NCAM2: variants seen among roughly 807,000 people sequenced by gnomAD.
The protein encoded by NCAM2 is neural cell adhesion molecule 2, also known as N-CAM-2.
NCAM2 carries 30 observed loss-of-function variants against 98.1 expected under a neutral mutation model. The ratio of observed to expected loss-of-function variants is 0.31; its 90% CI spans 0.23 to 0.41. The LOEUF is 0.41. Ranked by LOEUF, NCAM2 falls within the 10% of genes least tolerant of loss-of-function variation. The probability of loss-of-function intolerance (pLI) is 1.00; values close to 1 mark genes in which losing one functional copy is unlikely to be tolerated. For missense variants in NCAM2, 867 were observed against 1,005.8 expected (o/e 0.86, Z 1.87); for synonymous variants, 368 against 342.4 (o/e 1.07, Z -0.83).
chr21:21,209,161 G>A lies in NCAM2; in HGVS notation c.56-71417G>A, dbSNP rs541418872. ...GAACATCAAATGGTAATAGTCCCTAGGCCAGGGTCAGGAATTTATTGCCAT... is the reference window on the plus strand; with the variant it reads ...GAACATCAAATGGTAATAGTCCCTAAGCCAGGGTCAGGAATTTATTGCCAT... On this transcript the variant is annotated intron_variant, in intron 1 of 17. Coordinates refer to ENST00000400546, the MANE Select transcript of NCAM2 (RefSeq NM_004540.5). Among the ~76,000 whole-genome samples, 378 of 151,060 alleles carry A rather than the reference G, an allele frequency of 2.5e-3. 1 individual carries two copies. Among genetic ancestry groups the A allele is most frequent in the South Asian group, 0.016 (75 of 4,814 alleles).
chr21:21,185,997 C>T (rs1173467605), intron 1 of NCAM2, among the ~76,000 whole-genome samples: 1 of 152,116 alleles, frequency 6.6e-6, no homozygotes, highest in East Asian at 1.9e-4. Context: ...ATAAGAGATG[C>T]TTCTGGAGCA....
intron 1 of NCAM2, among the ~76,000 whole-genome samples, chr21:21,251,981 A>G (rs182565215): frequency 2.7e-3 from 414 of 152,234 alleles, no homozygotes; most frequent in Non-Finnish European, 4.2e-3. Flanking sequence ...GCCTATGCCT[A>G]TGTCCTGAAT....
chr21:21,338,632 C>A (rs2147876026), intron 8 of NCAM2, 98 bp downstream of exon 8: 3 of 1,192,056 alleles, frequency 2.5e-6, no homozygotes, highest in Non-Finnish European at 3.4e-6. Context: ...TACCTAGTAA[C>A]TTGTAGGATC....
At chr21:21,032,849 A>G (rs1202170198) in intron 1 of NCAM2, among the ~76,000 whole-genome samples, 1 of 152,140 alleles carries the variant, frequency 6.6e-6, no homozygotes, top group Non-Finnish European at 1.5e-5. Context: ...CATAAAATGT[A>G]TTTAAAACTT....
intron 5 of NCAM2, among the ~76,000 whole-genome samples, chr21:21,317,873 C>T (rs909286622): frequency 6.6e-6 from 1 of 152,052 alleles, no homozygotes; most frequent in Non-Finnish European, 1.5e-5. Context: ...TATTCTAGTC[C>T]ATTTTGTACC....
At chr21:21,111,870 C>A (rs2066461448) in intron 1 of NCAM2, among the ~76,000 whole-genome samples, 1 of 152,066 alleles carries the variant, frequency 6.6e-6, no homozygotes, top group South Asian at 2.1e-4. Context: ...TCTATCCTCT[C>A]ATTGGTCTGT....
intron 1 of NCAM2, among the ~76,000 whole-genome samples, chr21:21,091,710 T>A (rs372882258): frequency 6.6e-6 from 1 of 152,182 alleles, no homozygotes; most frequent in Admixed American, 6.6e-5. Flanking sequence ...GATTTGAAAC[T>A]GTACAATACT....
intron 8 of NCAM2, among the ~76,000 whole-genome samples, chr21:21,364,316 G>A (rs1350069459): frequency 6.6e-6 from 1 of 151,798 alleles, no homozygotes; most frequent in Non-Finnish European, 1.5e-5. Context: ...ACAGCCTGAG[G>A]ATCATTCAAA....
intron 1 of NCAM2, among the ~76,000 whole-genome samples, chr21:21,096,236 TA>T (rs1460066998): frequency 1.3e-5 from 2 of 151,664 alleles, no homozygotes; most frequent in East Asian, 3.9e-4. Context: ...ATGCTATATA[TA>T]TATTTTTTTA....
intron 12 of NCAM2, among the ~76,000 whole-genome samples, chr21:21,433,583 C>CA (rs981972672): frequency 2.2e-4 from 31 of 143,172 alleles, no homozygotes; most frequent in Admixed American, 8.4e-4. Flanking sequence ...ACTAAAAGTA[C>CA]AAAAAAAAAA....
At chr21:21,115,320 C>T (rs935160268) in intron 1 of NCAM2, among the ~76,000 whole-genome samples, 2 of 152,124 alleles carry the variant, frequency 1.3e-5, no homozygotes, top group African/African-American at 4.8e-5. Context: ...GCCCTGAATG[C>T]TAAGCCACCA....
At chr21:21,156,579 TATAGATAG>T (rs10654392) in intron 1 of NCAM2, among the ~76,000 whole-genome samples, 402 of 148,760 alleles carry the variant, frequency 2.7e-3, no homozygotes, top group Middle Eastern at 0.015. Flanking sequence ...ATAGATAGAT[TATAGATAG>T]ATAGATAGAT....
intron 15 of NCAM2, among the ~76,000 whole-genome samples, chr21:21,497,745 A>T (rs1040722658): frequency 2.6e-5 from 4 of 152,196 alleles, no homozygotes; most frequent in African/African-American, 9.6e-5. Flanking sequence ...GGGAAAAGAA[A>T]TTCGGTAGTA....
intron 1 of NCAM2, among the ~76,000 whole-genome samples, chr21:21,228,819 T>C (rs1467382835): frequency 1.3e-5 from 2 of 151,486 alleles, no homozygotes; most frequent in Non-Finnish European, 3.0e-5. Flanking sequence ...TAACACTTTG[T>C]TTATTAAATA....
At chr21:21,474,167 C>A (rs184455030) in intron 14 of NCAM2, among the ~76,000 whole-genome samples, 1 of 152,056 alleles carries the variant, frequency 6.6e-6, no homozygotes, top group East Asian at 1.9e-4. Flanking sequence ...GTAACACCCA[C>A]TTTAATTTTT....
intron 1 of NCAM2, among the ~76,000 whole-genome samples, chr21:21,025,760 G>C (rs889897235): frequency 1.3e-5 from 2 of 152,180 alleles, no homozygotes; most frequent in African/African-American, 4.8e-5. Flanking sequence ...CTGAGATGGA[G>C]CTAATAATTG....
chr21:21,431,212 CA>C (rs1167074002), intron 11 of NCAM2, among the ~76,000 whole-genome samples: 7 of 149,538 alleles, frequency 4.7e-5, no homozygotes, highest in Middle Eastern at 3.5e-3. Flanking sequence ...AAGATTATTT[CA>C]GATGTGATAG....
At chr21:21,154,576 G>A (rs530730056) in intron 1 of NCAM2, among the ~76,000 whole-genome samples, 19 of 151,812 alleles carry the variant, frequency 1.3e-4, no homozygotes, top group South Asian at 4.2e-4. Flanking sequence ...AAACGAAAAC[G>A]ACAACATTTT....
chr21:21,400,626 C>T (rs2076607158), intron 9 of NCAM2, among the ~76,000 whole-genome samples: 2 of 149,222 alleles, frequency 1.3e-5, no homozygotes, highest in South Asian at 4.2e-4. Context: ...GATGGAGTCG[C>T]CCAGGCTGGA....
Sources: allele counts gnomAD v4.1 joint callset (sites outside exome capture counted in the v4.1 genomes callset), GRCh38; gene constraint gnomAD v4.1.1; transcripts MANE v1.5; gene names NCBI Gene and HGNC (gene_info 2026-07-23, HGNC 2026-07-21).